WWOX: variants seen among roughly 807,000 people sequenced by gnomAD.
The protein encoded by WWOX is WW domain containing oxidoreductase.
In WWOX, 69 loss-of-function variants were observed where a neutral mutation model predicts 46.2. The observed-to-expected ratio is 1.49, with a 90% CI of 1.23 to 1.82. WWOX has a LOEUF of 1.82. WWOX is among the 40% of genes most tolerant of loss of function. The pLI, the probability that WWOX is intolerant of heterozygous loss-of-function variation, is 0.00. For missense variants in WWOX, 919 were observed against 542.6 expected, an observed-to-expected ratio of 1.69 and a Z score of -6.89; for synonymous variants, 359 against 202.6, an observed-to-expected ratio of 1.77 and a Z score of -6.56.
At chr16:78,539,787 A>G (rs1360748309) in intron 8 of WWOX, among the ~76,000 whole-genome samples, 2 of 152,212 alleles carry the variant, frequency 1.3e-5, no homozygotes, top group Admixed American at 1.3e-4. Context: ...AACACCAGCA[A>G]TGATGCCCAG....
rs1198007759 is a variant in WWOX, at chr16:78,213,744, A to G, written c.516+49455A>G. ...CAAATACCAGGGAGATGTAATTGCA[A>G]AATGAAGCTGCAAATGTCTTACCCA... is the stretch of plus-strand genomic sequence containing the variant. On this transcript the variant is annotated intron_variant, in intron 5 of 8. Coordinates refer to ENST00000566780, the MANE Select transcript of WWOX (RefSeq NM_016373.4). Among the ~76,000 whole-genome samples the G allele has an allele frequency of 2.0e-5, 3 of 152,148 alleles. No individual in the cohort carries two copies. In the East Asian group the frequency reaches 5.8e-4, roughly 29 times the overall value.
intron 5 of WWOX, among the ~76,000 whole-genome samples, chr16:78,352,680 G>C (rs567455431): frequency 1.3e-5 from 2 of 152,270 alleles, no homozygotes; most frequent in South Asian, 4.2e-4. Context: ...ATTACCATTT[G>C]CTATGTAACA....
chr16:79,189,810 A>T (rs938256564), intron 8 of WWOX, among the ~76,000 whole-genome samples: 1 of 148,024 alleles, frequency 6.8e-6, no homozygotes, highest in Non-Finnish European at 1.5e-5. Context: ...GGGGGGGGAT[A>T]TTTATTTGGC....
At chr16:78,739,966 T>C (rs900529492) in intron 8 of WWOX, among the ~76,000 whole-genome samples, 1 of 152,158 alleles carries the variant, frequency 6.6e-6, no homozygotes, top group African/African-American at 2.4e-5. Context: ...TTACTCTCTC[T>C]AAATTATCTC....
intron 8 of WWOX, among the ~76,000 whole-genome samples, chr16:78,964,381 G>A (rs141000419): frequency 6.6e-6 from 1 of 152,254 alleles, no homozygotes; most frequent in African/African-American, 2.4e-5. Context: ...TTGGAGCACA[G>A]GTGACTCTTG....
At chr16:78,481,764 T>C (rs62036363) in intron 8 of WWOX, among the ~76,000 whole-genome samples, 8,705 of 147,956 alleles carry the variant, frequency 0.059, 543 homozygotes, top group African/African-American at 0.16. Context: ...TGTGTGTGTG[T>C]GCGCGCGCCT....
At chr16:78,703,788 T>G (rs1434945787) in intron 8 of WWOX, among the ~76,000 whole-genome samples, 1 of 152,056 alleles carries the variant, frequency 6.6e-6, no homozygotes, top group African/African-American at 2.4e-5. Context: ...ACAGGGAGAA[T>G]ATTTTGATTT....
intron 5 of WWOX, among the ~76,000 whole-genome samples, chr16:78,386,640 C>A (rs1355058416): frequency 3.4e-5 from 5 of 148,652 alleles, no homozygotes; most frequent in African/African-American, 1.3e-4. Flanking sequence ...CGCCCCACCC[C>A]CCAGCCTGTA....
At chr16:78,672,196 C>T (rs1037605788) in intron 8 of WWOX, among the ~76,000 whole-genome samples, 12 of 152,094 alleles carry the variant, frequency 7.9e-5, no homozygotes, top group African/African-American at 2.7e-4. Flanking sequence ...AGAAGACAAA[C>T]CCAAAGGAAA....
chr16:78,354,514 C>A (rs61648351), intron 5 of WWOX, among the ~76,000 whole-genome samples: 7,514 of 152,152 alleles, frequency 0.049, 298 homozygotes, highest in South Asian at 0.18. Context: ...CTGGCAATTA[C>A]AACTGGAAAA....
intron 8 of WWOX, among the ~76,000 whole-genome samples, chr16:78,815,619 T>C (rs1189762072): frequency 6.6e-6 from 1 of 152,210 alleles, no homozygotes; most frequent in African/African-American, 2.4e-5. Flanking sequence ...AGAGGGAGTC[T>C]CTCTGGAAGG....
chr16:78,306,247 A>C (rs1001673646), intron 5 of WWOX, among the ~76,000 whole-genome samples: 1 of 152,266 alleles, frequency 6.6e-6, no homozygotes, highest in Non-Finnish European at 1.5e-5. Flanking sequence ...TTATGGAATA[A>C]TAACATTCAT....
chr16:78,530,549 C>G (rs561986689), intron 8 of WWOX, among the ~76,000 whole-genome samples: 21 of 152,256 alleles, frequency 1.4e-4, no homozygotes, highest in African/African-American at 5.1e-4. Flanking sequence ...CTTCAATGTG[C>G]CAGCGGAGCC....
At chr16:78,880,613 C>T (rs1247545365) in intron 8 of WWOX, among the ~76,000 whole-genome samples, 2 of 152,122 alleles carry the variant, frequency 1.3e-5, no homozygotes, top group African/African-American at 4.8e-5. Flanking sequence ...GCCAAAATGC[C>T]CATCTTCATT....
intron 5 of WWOX, among the ~76,000 whole-genome samples, chr16:78,234,498 A>G (rs1184491501): frequency 6.6e-6 from 1 of 152,184 alleles, no homozygotes; most frequent in Non-Finnish European, 1.5e-5. Flanking sequence ...AAGTTATTCA[A>G]CAGCCAGATT....
intron 8 of WWOX, among the ~76,000 whole-genome samples, chr16:79,073,906 T>G (rs2048599308): frequency 6.6e-6 from 1 of 152,216 alleles, no homozygotes; most frequent in African/African-American, 2.4e-5. Context: ...TTGTATGTCC[T>G]TTTTAATTTC....
At chr16:78,994,757 G>A (rs769291359) in intron 8 of WWOX, among the ~76,000 whole-genome samples, 2 of 152,132 alleles carry the variant, frequency 1.3e-5, no homozygotes, top group Non-Finnish European at 1.5e-5. Flanking sequence ...CGAAGGCAGA[G>A]AAGGACTTTC....
At chr16:78,500,927 G>T (rs770636730) in intron 8 of WWOX, among the ~76,000 whole-genome samples, 4 of 152,138 alleles carry the variant, frequency 2.6e-5, no homozygotes, top group African/African-American at 7.2e-5. Flanking sequence ...TTCTCTGGAC[G>T]GCCAAGTGAT....
intron 8 of WWOX, among the ~76,000 whole-genome samples, chr16:79,117,869 G>C (rs752154448): frequency 6.6e-6 from 1 of 152,166 alleles, no homozygotes; most frequent in Non-Finnish European, 1.5e-5. Context: ...TGAGGGCCTT[G>C]CTCTGGATTA....
Sources: gnomAD v4.1 joint callset for allele counts (sites outside exome capture counted in the v4.1 genomes callset) on GRCh38, gnomAD v4.1.1 for gene constraint, MANE v1.5 for transcripts, NCBI Gene and HGNC (gene_info 2026-07-23, HGNC 2026-07-21) for gene names.